Variants in DLGAP4 observed in about 807,000 individuals in gnomAD.
The protein encoded by DLGAP4 is DLG associated protein 4.
A neutral mutation model predicts 86.9 loss-of-function variants in DLGAP4; 18 were observed. The ratio of observed to expected loss-of-function variants is 0.21; its 90% CI spans 0.14 to 0.31. The LOEUF (loss-of-function observed/expected upper bound fraction) is 0.31, where lower values mean the gene tolerates loss of function less well. Ranked by LOEUF, DLGAP4 falls within the 10% of genes least tolerant of loss-of-function variation. DLGAP4 has a pLI of 1.00. For missense variants in DLGAP4, 1,085 were observed against 1,362.6 expected (o/e 0.80, Z 3.21); for synonymous variants, 548 against 574.3 (o/e 0.95, Z 0.65).
At chr20:36,496,569 G>T in intron 7 of DLGAP4, 136 bp from the exon 8 acceptor site, 1 of 1,393,942 alleles carries the variant, frequency 7.2e-7, no homozygotes, top group African/African-American at 1.4e-5. Flanking sequence ...CCCTGCTCCA[G>T]AAATCCTTGC....
At chr20:36,487,490 C>A (rs898738870) in intron 7 of DLGAP4, among the ~76,000 whole-genome samples, 1 of 152,182 alleles carries the variant, frequency 6.6e-6, no homozygotes, top group African/African-American at 2.4e-5. Context: ...GAGGAGGCAG[C>A]CTTCCTTGGA....
At chr20:36,486,307 T>A (rs904366191) in intron 7 of DLGAP4, among the ~76,000 whole-genome samples, 2 of 152,118 alleles carry the variant, frequency 1.3e-5, no homozygotes, top group African/African-American at 4.8e-5. Context: ...AGTGCTTGAA[T>A]GAAACAAGCA....
At chr20:36,502,177 TTA>T (rs2036174065) in intron 10 of DLGAP4, among the ~76,000 whole-genome samples, 1 of 152,200 alleles carries the variant, frequency 6.6e-6, no homozygotes. Flanking sequence ...ACATCACAGT[TTA>T]TGATAAATAG....
intron 1 of DLGAP4, among the ~76,000 whole-genome samples, chr20:36,336,452 A>G (rs777576458): frequency 6.6e-6 from 1 of 152,084 alleles, no homozygotes; most frequent in African/African-American, 2.4e-5. Context: ...CTGCTCTGTT[A>G]TGCCTATGGC....
rs1410530678 is a variant in DLGAP4, at chr20:36,317,636, AT to A, written c.-304+11127del. On this transcript the variant is annotated intron_variant, in intron 1 of 12. Coordinates refer to ENST00000339266, the MANE Select transcript of DLGAP4 (RefSeq NM_001365621.2). ...GCCCAGCTAATTAAAAAAAAAAAAA[AT>A]TTAGAGATGGGGTCTTGCTATGTTG... 7.9e-5 allele frequency among the ~76,000 whole-genome samples: 10 copies of A among 126,464 alleles called. No homozygotes were observed. In the Middle Eastern group the frequency reaches 0.019, roughly 234 times the overall value. The allele number at this position is 126,464 out of a possible 152,430, so 83.0% of individuals were successfully genotyped here.
chr20:36,338,226 G>C (rs532642653), intron 1 of DLGAP4, among the ~76,000 whole-genome samples: 1 of 152,316 alleles, frequency 6.6e-6, no homozygotes, highest in Non-Finnish European at 1.5e-5. Context: ...GAGTGCAAGG[G>C]GGGAGGCAGG....
intron 2 of DLGAP4, among the ~76,000 whole-genome samples, chr20:36,385,867 A>G (rs1307163519): frequency 2.0e-5 from 3 of 152,052 alleles, no homozygotes; most frequent in African/African-American, 4.8e-5. Flanking sequence ...ATGATTACCT[A>G]TGGCCTAAGA....
chr20:36,500,943 G>T lies in DLGAP4; in HGVS notation c.2512+332G>T, dbSNP rs994672042. Among the ~76,000 whole-genome samples the T allele has an allele frequency of 6.6e-6, 1 of 152,108 alleles. No homozygotes were observed. The highest frequency in any genetic ancestry group is 2.4e-5 in the African/African-American group (1 of 41,432). ...CCCCCATTTCCTCATCTGTAAAATG[G>T]AGCTAATCCTCTGCTCACTATATGA... is the stretch of plus-strand genomic sequence containing the variant. On this transcript the variant is annotated intron_variant, in intron 10 of 12. Transcript: ENST00000339266. This position sits in a 1 kb window ranked among gnomAD's most constrained non-coding sequence, Gnocchi z 4.6.
At chr20:36,481,999 T>G (rs936948939) in intron 7 of DLGAP4, among the ~76,000 whole-genome samples, 3 of 152,182 alleles carry the variant, frequency 2.0e-5, no homozygotes, top group Non-Finnish European at 4.4e-5. Context: ...AAAATCCCTC[T>G]GTTTTTCTGT....
intron 7 of DLGAP4, among the ~76,000 whole-genome samples, chr20:36,476,453 G>A (rs1255139882): frequency 1.4e-5 from 2 of 142,502 alleles, no homozygotes; most frequent in South Asian, 2.3e-4. Flanking sequence ...TCTGCCTCCC[G>A]AGTAGCTGGG....
intron 1 of DLGAP4, among the ~76,000 whole-genome samples, chr20:36,356,919 T>C (rs1376822662): frequency 1.3e-5 from 2 of 152,040 alleles, no homozygotes; most frequent in Non-Finnish European, 2.9e-5. Flanking sequence ...CAGCCCCAAA[T>C]TGGATTGATT....
chr20:36,436,039 G>T, intron 3 of DLGAP4, 70 bp from the exon 4 acceptor site: 1 of 1,466,100 alleles, frequency 6.8e-7, no homozygotes, highest in Non-Finnish European at 9.0e-7. Flanking sequence ...TTCAGGTCCC[G>T]GAGATGGGGG....
chr20:36,380,445 AG>A (rs1352293420), intron 2 of DLGAP4, among the ~76,000 whole-genome samples: 2 of 152,066 alleles, frequency 1.3e-5, no homozygotes, highest in African/African-American at 4.8e-5. Context: ...ATAATTAGCC[AG>A]GCATGGTGGC....
At chr20:36,396,422 C>T (rs62210464) in intron 2 of DLGAP4, among the ~76,000 whole-genome samples, 74,573 of 115,510 alleles carry the variant, frequency 0.65, 23,563 homozygotes, top group South Asian at 0.76. Context: ...CACACACACA[C>T]ACCACATACA....
chr20:36,419,229 C>T (rs1254659289), intron 2 of DLGAP4, among the ~76,000 whole-genome samples: 2 of 151,836 alleles, frequency 1.3e-5, no homozygotes, highest in Non-Finnish European at 1.5e-5. Flanking sequence ...CTCAAGCAAT[C>T]CTCTCATCTC....
chr20:36,509,552 CAG>C (rs1346062297), intron 10 of DLGAP4, among the ~76,000 whole-genome samples: 1 of 152,044 alleles, frequency 6.6e-6, no homozygotes, highest in African/African-American at 2.4e-5. Flanking sequence ...GCCTGGGTGA[CAG>C]AGCTAGACTC....
intron 1 of DLGAP4, among the ~76,000 whole-genome samples, chr20:36,310,180 AAAAG>A (rs1161085107): frequency 2.5e-4 from 31 of 124,180 alleles, no homozygotes; most frequent in African/African-American, 1.1e-3. Flanking sequence ...CAAAAAAAAA[AAAAG>A]AAAGAAAGAA....
intron 7 of DLGAP4, among the ~76,000 whole-genome samples, chr20:36,494,253 A>G (rs2035788210): frequency 6.6e-6 from 1 of 152,162 alleles, no homozygotes; most frequent in Non-Finnish European, 1.5e-5. Flanking sequence ...GGCTGGGCAC[A>G]AGGCACAGCA....
chr20:36,514,658 C>T (rs927932126), intron 10 of DLGAP4, among the ~76,000 whole-genome samples: 2 of 152,056 alleles, frequency 1.3e-5, no homozygotes, highest in Non-Finnish European at 2.9e-5. Flanking sequence ...AAACAATCCC[C>T]CCATCTCAGC....
Sources: gnomAD v4.1 joint callset for allele counts (sites outside exome capture counted in the v4.1 genomes callset) on GRCh38, gnomAD v4.1.1 for gene constraint, Gnocchi (gnomAD v3.1) non-coding constraint, MANE v1.5 for transcripts, NCBI Gene and HGNC (gene_info 2026-07-23, HGNC 2026-07-21) for gene names.